The following CNTFR variants were observed in gnomAD, a reference collection of about 807,000 sequenced individuals.
The protein encoded by CNTFR is ciliary neurotrophic factor receptor subunit alpha.
Under a neutral mutation model 40.4 loss-of-function variants are expected in CNTFR, and 12 were observed. The ratio of observed to expected loss-of-function variants is 0.30; its 90% CI spans 0.19 to 0.48. The LOEUF (loss-of-function observed/expected upper bound fraction) is 0.48, where lower values mean the gene tolerates loss of function less well. CNTFR is among the 20% of genes least tolerant of loss of function. CNTFR has a pLI of 0.99. For synonymous variants in CNTFR, 202 were observed against 209.6 expected, an observed-to-expected ratio of 0.96 and a Z score of 0.31; for missense variants, 414 against 506.8, an observed-to-expected ratio of 0.82 and a Z score of 1.76.
Position 34,583,154 on chromosome 9 carries a change from C to G in CNTFR, c.-111-1949G>C, listed in dbSNP as rs542563843. 2.7e-4 allele frequency among the ~76,000 whole-genome samples: 41 copies of G among 152,322 alleles called. No individual in the cohort carries two copies. In the South Asian group the frequency reaches 8.1e-3, roughly 30 times the overall value. ...ACCCTATGGTCCCCTCCATCCTCAC[C>G]TGCTGTCCTCTAGGAGGCTGAGAGA... On this transcript the variant is annotated intron_variant, in intron 1 of 9. Coordinates refer to ENST00000378980, the MANE Select transcript of CNTFR (RefSeq NM_147164.3).
At position 34,589,722 on chromosome 9, in the gene CNTFR, T is replaced by TGC. The variant is rs1392682116; in HGVS notation, c.-281_-280dup. 1 of 153,278 alleles carries TGC rather than the reference T, an allele frequency of 6.5e-6. No individual in the cohort carries two copies. Among genetic ancestry groups the TGC allele is most frequent in the Non-Finnish European group, 1.4e-5 (1 of 69,302 alleles). The allele number at this position is 153,278 out of a possible 1,614,324, so 9.5% of individuals were successfully genotyped here. On this transcript the variant is annotated 5_prime_UTR_variant, in exon 1 of 10. Coordinates refer to ENST00000378980, the MANE Select transcript of CNTFR (RefSeq NM_147164.3). The surrounding 1 kb of genome is among the most constrained non-coding windows in gnomAD (Gnocchi z 4.4). ...CTGCCGCCGCCGCCGCCGCCCGCTC[T>TGC]GCACCGGCTCTTCAGCGCTCGGCGG...
At position 34,552,611 on chromosome 9, in the gene CNTFR, A is replaced by G; in HGVS notation, c.949+63T>C. 6.6e-7 allele frequency: 1 copy of G among 1,523,272 alleles called. No homozygotes were observed. 94.4% of individuals were successfully genotyped at this position (1,523,272 alleles called of 1,614,324 possible). A position where few individuals can be genotyped will look rare whatever the true frequency, so the allele number is the denominator to read the frequency against. On this transcript the variant is annotated intron_variant, in intron 8 of 9. Coordinates refer to ENST00000378980, the MANE Select transcript of CNTFR (RefSeq NM_147164.3). This position sits in a 1 kb window ranked among gnomAD's most constrained non-coding sequence, Gnocchi z 5.1. The stretch of plus-strand genomic sequence containing the variant: ...GGAGGCAGCAGGGTAGAACCAGGCC[A>G]CAGGTTCTACCACAGGCCTCCAGGA...
At position 34,557,193 on chromosome 9, in the gene CNTFR, G is replaced by GA; in HGVS notation, c.604+332_604+333insT. Among the ~76,000 whole-genome samples the GA allele has an allele frequency of 3.2e-5, 1 of 31,374 alleles. No homozygotes were observed. The highest frequency in any genetic ancestry group is 1.5e-3 in the South Asian group (1 of 676). 20.6% of individuals were successfully genotyped at this position (31,374 alleles called of 152,430 possible). Reference sequence around the variant, plus strand: ...AGTCCGTAAGGAAGCCATTAGAGTTGGGGGGGGGTGCGGTGGAGGCTGCAG... The same window carrying GA: ...AGTCCGTAAGGAAGCCATTAGAGTTGAGGGGGGGGTGCGGTGGAGGCTGCAG... On this transcript the variant is annotated intron_variant, in intron 6 of 9. Transcript: ENST00000378980. This position sits in a 1 kb window ranked among gnomAD's most constrained non-coding sequence, Gnocchi z 4.2.
At chr9:34,571,131 G>A (rs1051435197) in intron 2 of CNTFR, among the ~76,000 whole-genome samples, 12 of 152,132 alleles carry the variant, frequency 7.9e-5, no homozygotes, top group Middle Eastern at 3.2e-3. Flanking sequence ...TACTCCTCAG[G>A]CCTAGGAGGT....
In CNTFR at chr9:34,556,207, A is replaced by G. The variant is rs569751160; in HGVS notation, c.768+48T>C. ...GGGATATGGGTGCCACTCACTGCAC[A>G]TGATTCTAACTCAGGCACCCAGGAT... On this transcript the variant is annotated intron_variant, in intron 7 of 9. Coordinates refer to ENST00000378980, the MANE Select transcript of CNTFR (RefSeq NM_147164.3). The G allele has an allele frequency of 6.1e-5, 97 of 1,581,490 alleles. 2 individuals carry two copies. The South Asian group carries it at 9.7e-4, about 16-fold the overall frequency.
chr9:34,587,562 T>C (rs1266132869), intron 1 of CNTFR, among the ~76,000 whole-genome samples: 1 of 152,120 alleles, frequency 6.6e-6, no homozygotes. Flanking sequence ...CTAGTGTGAA[T>C]CTGAGTGAGC....
chr9:34,575,257 G>A (rs886407233), intron 2 of CNTFR, among the ~76,000 whole-genome samples: 8 of 152,142 alleles, frequency 5.3e-5, no homozygotes, highest in African/African-American at 1.9e-4. Context: ...GAAGAATCAG[G>A]AAGCCCCCTC....
intron 7 of CNTFR, among the ~76,000 whole-genome samples, 169 bp from the exon 8 acceptor site, chr9:34,553,023 C>T (rs960179077): frequency 3.3e-5 from 5 of 152,162 alleles, no homozygotes; most frequent in African/African-American, 1.2e-4. Context: ...TTGCCAGAGA[C>T]TGGGGACATC....
In CNTFR at chr9:34,589,077, G is replaced by C. The variant is rs760041015; in HGVS notation, c.-112+478C>G. ...CACATGCACACACACACGCGCGCGC[G>C]GGCGCGCGGATTCACACGGACACAC... On this transcript the variant is annotated intron_variant, in intron 1 of 9. Coordinates refer to ENST00000378980, the MANE Select transcript of CNTFR (RefSeq NM_147164.3). The surrounding 1 kb of genome is among the most constrained non-coding windows in gnomAD (Gnocchi z 4.4). Among the ~76,000 whole-genome samples, 2 of 151,970 alleles carry C rather than the reference G, an allele frequency of 1.3e-5. No homozygotes were observed. Among genetic ancestry groups the C allele is most frequent in the Non-Finnish European group, 2.9e-5 (2 of 67,952 alleles).
At chr9:34,578,425 C>G (rs1827105386) in intron 2 of CNTFR, among the ~76,000 whole-genome samples, 1 of 152,196 alleles carries the variant, frequency 6.6e-6, no homozygotes, top group Admixed American at 6.5e-5. Context: ...CCGGTCCCGG[C>G]CCCTCTCCAC....
intron 3 of CNTFR, among the ~76,000 whole-genome samples, chr9:34,565,458 C>A (rs890114610): frequency 5.3e-5 from 8 of 152,150 alleles, no homozygotes; most frequent in Non-Finnish European, 1.5e-5. Flanking sequence ...CCTCAGCCAT[C>A]CAGGGCTCAG....
chr9:34,572,597 C>A (rs1320949705), intron 2 of CNTFR, among the ~76,000 whole-genome samples: 2 of 152,188 alleles, frequency 1.3e-5, no homozygotes, highest in Admixed American at 6.5e-5. Context: ...GCACAGAACC[C>A]TAGTGTCATC....
intron 2 of CNTFR, among the ~76,000 whole-genome samples, chr9:34,575,000 A>C (rs563256714): frequency 6.6e-6 from 1 of 152,318 alleles, no homozygotes; most frequent in East Asian, 1.9e-4. Context: ...TGACCTGGGC[A>C]TGGGCTTGTA....
chr9:34,588,460 A>G (rs1827630562), intron 1 of CNTFR, among the ~76,000 whole-genome samples: 1 of 152,204 alleles, frequency 6.6e-6, no homozygotes, highest in Admixed American at 6.5e-5. Context: ...CCACAGCCAC[A>G]CAAACACTCC....
chr9:34,590,304 T>C (rs1160905582), upstream of CNTFR, among the ~76,000 whole-genome samples: 1 of 152,022 alleles, frequency 6.6e-6, no homozygotes, highest in East Asian at 1.9e-4. Flanking sequence ...CTCCCGCACG[T>C]TCAGGCCCTG....
At chr9:34,575,687 C>A (rs1244810925) in intron 2 of CNTFR, among the ~76,000 whole-genome samples, 19 of 142,322 alleles carry the variant, frequency 1.3e-4, no homozygotes, top group Admixed American at 2.8e-4. Context: ...ACCCACCCAC[C>A]CACACACACA....
chr9:34,578,002 G>A (rs1470240180), intron 2 of CNTFR, among the ~76,000 whole-genome samples: 1 of 151,582 alleles, frequency 6.6e-6, no homozygotes, highest in South Asian at 2.1e-4. Flanking sequence ...CTCCGGCCCT[G>A]TGGCCACTGA....
At chr9:34,588,055 A>C (rs1387504672) in intron 1 of CNTFR, among the ~76,000 whole-genome samples, 1 of 152,180 alleles carries the variant, frequency 6.6e-6, no homozygotes, top group Non-Finnish European at 1.5e-5. Context: ...GAGCCCCCAG[A>C]AGTCCTGTGC....
In CNTFR at chr9:34,552,114, G is replaced by T; in HGVS notation, c.*-43C>A. On this transcript the variant is annotated intron_variant, in intron 9 of 9. Transcript: ENST00000378980. The surrounding 1 kb of genome is among the most constrained non-coding windows in gnomAD (Gnocchi z 5.1). ...GGCCTGTCAGGGAGGGGGCTGGAGT[G>T]GGGGTTCCCTCAGGCTCCCTCTGCC... 6.3e-7 allele frequency: 1 copy of T among 1,597,220 alleles called. No individual in the cohort carries two copies. Among genetic ancestry groups the T allele is most frequent in the Non-Finnish European group, 8.5e-7 (1 of 1,171,552 alleles).
Sources: gnomAD v4.1 joint callset for allele counts (sites outside exome capture counted in the v4.1 genomes callset) on GRCh38, gnomAD v4.1.1 for gene constraint, Gnocchi (gnomAD v3.1) non-coding constraint, MANE v1.5 for transcripts, NCBI Gene and HGNC (gene_info 2026-07-23, HGNC 2026-07-21) for gene names.